CSMD1: variants seen among roughly 807,000 people sequenced by gnomAD.
The protein encoded by CSMD1 is CUB and sushi domain-containing protein 1.
CSMD1 carries 213 observed loss-of-function variants against 417.5 expected under a neutral mutation model. The ratio of observed to expected loss-of-function variants is 0.51; its 90% CI spans 0.46 to 0.57. The LOEUF is 0.57. Among genes scored for constraint, CSMD1 ranks in the 20% least tolerant of loss-of-function variants. The pLI, the probability that CSMD1 is intolerant of heterozygous loss-of-function variation, is 0.00. For missense variants in CSMD1, 6,923 were observed against 4,529.7 expected (o/e 1.53, Z -15.17); for synonymous variants, 2,862 against 1,736.8 (o/e 1.65, Z -16.11).
intron 47 of CSMD1, among the ~76,000 whole-genome samples, chr8:3,094,482 T>G (rs1337508186): frequency 6.6e-6 from 1 of 152,182 alleles, no homozygotes; most frequent in Non-Finnish European, 1.5e-5. Flanking sequence ...TGTAACTAAC[T>G]TTCTAGAAGG....
chr8:3,198,377 CA>C (rs1796814195), intron 33 of CSMD1, among the ~76,000 whole-genome samples: 1 of 152,168 alleles, frequency 6.6e-6, no homozygotes, highest in Non-Finnish European at 1.5e-5. Context: ...TTTGCAAAGT[CA>C]GATAGAATTT....
At chr8:3,089,460 AATTATGATGATTC>A (rs1814778766) in intron 48 of CSMD1, among the ~76,000 whole-genome samples, 1 of 152,224 alleles carries the variant, frequency 6.6e-6, no homozygotes, top group Non-Finnish European at 1.5e-5. Context: ...TCGGATTTCC[AATTATGATGATTC>A]ATTATATTGC....
At chr8:3,394,989 A>C (rs901683926) in intron 17 of CSMD1, among the ~76,000 whole-genome samples, 5 of 152,168 alleles carry the variant, frequency 3.3e-5, no homozygotes, top group Non-Finnish European at 7.4e-5. Context: ...GTATACTTAT[A>C]TGAGTATGTA....
chr8:4,966,209 CAAAA>C (rs33941630), intron 1 of CSMD1, among the ~76,000 whole-genome samples: 34 of 89,132 alleles, frequency 3.8e-4, no homozygotes, highest in African/African-American at 9.4e-4. Context: ...ACTAAATATA[CAAAA>C]AAAAAAAAAA....
At chr8:3,060,466 G>C (rs1433731448) in intron 49 of CSMD1, among the ~76,000 whole-genome samples, 2 of 151,968 alleles carry the variant, frequency 1.3e-5, no homozygotes, top group Non-Finnish European at 2.9e-5. Context: ...TGGGATTATG[G>C]GCATGAGCCA....
chr8:3,793,996 A>G (rs1799896857), intron 5 of CSMD1, among the ~76,000 whole-genome samples: 1 of 151,934 alleles, frequency 6.6e-6, no homozygotes, highest in African/African-American at 2.4e-5. Flanking sequence ...CTCTTCCTGA[A>G]CCCCTGCTTA....
chr8:3,930,265 G>C (rs1032753555), intron 5 of CSMD1, among the ~76,000 whole-genome samples: 1 of 150,176 alleles, frequency 6.7e-6, no homozygotes, highest in Admixed American at 6.6e-5. Flanking sequence ...CATCTAATTA[G>C]GAATAAATAG....
intron 5 of CSMD1, among the ~76,000 whole-genome samples, chr8:3,815,470 GTAAATA>G (rs1365986324): frequency 1.3e-4 from 20 of 151,954 alleles, no homozygotes; most frequent in Non-Finnish European, 2.9e-5. Flanking sequence ...AGGTTTCTGT[GTAAATA>G]TAAAAGTTAA....
chr8:4,752,921 C>T (rs373289474), intron 1 of CSMD1, among the ~76,000 whole-genome samples: 1 of 152,162 alleles, frequency 6.6e-6, no homozygotes, highest in East Asian at 1.9e-4. Flanking sequence ...TATTACAGGG[C>T]TTCCCAGTGG....
intron 5 of CSMD1, among the ~76,000 whole-genome samples, chr8:3,877,837 A>C (rs570650702): frequency 6.6e-6 from 1 of 152,316 alleles, no homozygotes; most frequent in East Asian, 1.9e-4. Flanking sequence ...GAACTGACTT[A>C]AATTTTGTCT....
intron 3 of CSMD1, among the ~76,000 whole-genome samples, chr8:4,205,886 C>A (rs1314338389): frequency 6.6e-6 from 1 of 152,190 alleles, no homozygotes; most frequent in Non-Finnish European, 1.5e-5. Flanking sequence ...CTATTATGCA[C>A]TGTGCAGAAA....
intron 1 of CSMD1, among the ~76,000 whole-genome samples, chr8:4,682,678 C>T (rs1214936614): frequency 6.6e-6 from 1 of 151,722 alleles, no homozygotes; most frequent in East Asian, 1.9e-4. Flanking sequence ...CAATAGTGTA[C>T]AGCTTCTTAC....
intron 33 of CSMD1, among the ~76,000 whole-genome samples, chr8:3,193,731 T>C (rs1046599958): frequency 6.6e-6 from 1 of 152,242 alleles, no homozygotes; most frequent in East Asian, 1.9e-4. Flanking sequence ...CAGACAACCG[T>C]GTTTCTTCAG....
At chr8:3,089,946 G>C (rs181572207) in intron 48 of CSMD1, among the ~76,000 whole-genome samples, 3 of 152,250 alleles carry the variant, frequency 2.0e-5, no homozygotes, top group Non-Finnish European at 4.4e-5. Context: ...GGTAAAACAA[G>C]ATAAATTATG....
intron 9 of CSMD1, 103 bp from the exon 10 acceptor site, chr8:3,575,169 G>C: frequency 5.8e-5 from 41 of 706,350 alleles, no homozygotes; most frequent in African/African-American, 9.2e-5. Flanking sequence ...TCTAATCACA[G>C]TAAAAAAAAA....
At chr8:4,841,674 G>C (rs1045715868) in intron 1 of CSMD1, among the ~76,000 whole-genome samples, 3 of 152,038 alleles carry the variant, frequency 2.0e-5, no homozygotes, top group Non-Finnish European at 4.4e-5. Context: ...CGTTTGGGAG[G>C]CTGAGGCAGG....
chr8:4,140,014 G>A (rs1482495204), intron 3 of CSMD1, among the ~76,000 whole-genome samples: 1 of 150,812 alleles, frequency 6.6e-6, no homozygotes, highest in African/African-American at 2.5e-5. Context: ...AGTTCTCCCT[G>A]ACCTCAATTT....
At chr8:3,462,913 A>T (rs1373582052) in intron 12 of CSMD1, among the ~76,000 whole-genome samples, 2 of 152,176 alleles carry the variant, frequency 1.3e-5, no homozygotes, top group African/African-American at 2.4e-5. Context: ...GCGTGATGAC[A>T]TGATGAGGGT....
At chr8:4,161,301 G>T (rs1183402164) in intron 3 of CSMD1, among the ~76,000 whole-genome samples, 1 of 152,144 alleles carries the variant, frequency 6.6e-6, no homozygotes, top group Non-Finnish European at 1.5e-5. Context: ...ACACATAATT[G>T]ATAAGAAACA....
Sources: allele counts gnomAD v4.1 joint callset (sites outside exome capture counted in the v4.1 genomes callset), GRCh38; gene constraint gnomAD v4.1.1; transcripts MANE v1.5; gene names NCBI Gene and HGNC (gene_info 2026-07-23, HGNC 2026-07-21).